Variants in UTP4 observed in about 807,000 individuals in gnomAD.
The protein encoded by UTP4 is UTP4 small subunit processome component, also known as U3 small nucleolar RNA-associated protein 4 homolog.
A neutral mutation model predicts 82.4 loss-of-function variants in UTP4; 45 were observed. That is an observed-to-expected ratio of 0.55 (90% confidence interval 0.43 to 0.70). The LOEUF is 0.70. UTP4 is among the 30% of genes least tolerant of loss of function. The pLI is 0.00. For synonymous variants in UTP4, 348 were observed against 300.3 expected, an observed-to-expected ratio of 1.16 and a Z score of -1.64; for missense variants, 819 against 858.3, an observed-to-expected ratio of 0.95 and a Z score of 0.57.
At chr16:69,138,029 C>A in intron 4 of UTP4, 144 bp downstream of exon 4, 1 of 673,308 alleles carries the variant, frequency 1.5e-6, no homozygotes, top group South Asian at 1.7e-5. Context: ...AGAAGCCATC[C>A]CCAGCCCAGG....
chr16:69,167,606 T>C (rs1181076233), intron 16 of UTP4: 3 of 175,444 alleles, frequency 1.7e-5, no homozygotes, highest in African/African-American at 7.3e-5. Flanking sequence ...AAAACCAGCC[T>C]GGGCACCATG....
intron 6 of UTP4, among the ~76,000 whole-genome samples, chr16:69,147,503 T>C (rs1261187898): frequency 1.3e-5 from 2 of 151,882 alleles, no homozygotes; most frequent in African/African-American, 4.9e-5. Flanking sequence ...AGACTCTGTC[T>C]CCAAACAAAC....
chr16:69,137,393 A>G (rs1962838295), intron 3 of UTP4, among the ~76,000 whole-genome samples: 1 of 152,176 alleles, frequency 6.6e-6, no homozygotes, highest in South Asian at 2.1e-4. Context: ...TAATTCTGTG[A>G]TGAGTCTGAT....
intron 8 of UTP4, 151 bp from the exon 9 acceptor site, chr16:69,153,433 A>C: frequency 1.5e-6 from 1 of 685,990 alleles, no homozygotes; most frequent in Non-Finnish European, 2.7e-6. Context: ...ATCTCAGGGC[A>C]GTGCCTGGCA....
intron 8 of UTP4, 150 bp from the exon 9 acceptor site, chr16:69,153,434 G>C (rs956369517): frequency 2.9e-6 from 2 of 688,760 alleles, no homozygotes; most frequent in East Asian, 2.7e-5. Context: ...TCTCAGGGCA[G>C]TGCCTGGCAT....
At chr16:69,154,290 A>T in intron 9 of UTP4, 103 bp from the exon 10 acceptor site, 1 of 895,012 alleles carries the variant, frequency 1.1e-6, no homozygotes, top group Non-Finnish European at 1.8e-6. Context: ...CTGATTTCCC[A>T]CTGATAGAGA....
chr16:69,143,064 C>A, intron 5 of UTP4, 114 bp from the exon 6 acceptor site: 1 of 1,070,694 alleles, frequency 9.3e-7, no homozygotes, highest in Non-Finnish European at 1.5e-6. Context: ...CACTTCGTTG[C>A]CTAGGCTGGC....
At position 69,137,805 on chromosome 16, in the gene UTP4, G is replaced by A; in HGVS notation, c.356G>A (p.Gly119Asp). The change falls in exon 4 of 17, where the codon GGT becomes GAT. Residue 119 changes from glycine to aspartate, a missense_variant. Coordinates refer to ENST00000314423, the MANE Select transcript of UTP4 (RefSeq NM_032830.3). ...TACTACCTCTTTCTCAAATAGGTTG[G>A]TTGTGAAGATGGATCTGTGAAACTA... The part of the protein sequence containing the change: ...ASPSGSQLLV[G>D]CEDGSVKLFQ... 6.2e-7 allele frequency: 1 copy of A among 1,604,142 alleles called. No homozygotes were observed. Among genetic ancestry groups the A allele is most frequent in the Non-Finnish European group, 8.5e-7 (1 of 1,171,006 alleles).
chr16:69,164,591 T>G (rs891430009), intron 14 of UTP4, among the ~76,000 whole-genome samples: 53 of 73,080 alleles, frequency 7.3e-4, no homozygotes, highest in African/African-American at 2.6e-3. Context: ...ATTCTTTATA[T>G]ATATATATAT....
At chr16:69,132,829 A>C (rs1962664053) in intron 1 of UTP4, 140 bp downstream of exon 1, 3 of 206,174 alleles carry the variant, frequency 1.5e-5, no homozygotes, top group Non-Finnish European at 2.0e-5. Flanking sequence ...GCTACTCTGT[A>C]GACTCGGGGA....
intron 12 of UTP4, 120 bp from the exon 13 acceptor site, chr16:69,160,236 A>T (rs911664831): frequency 1.6e-5 from 13 of 816,556 alleles, no homozygotes; most frequent in Non-Finnish European, 2.6e-5. Context: ...GTGATCAGCA[A>T]ATTATCCTGG....
At chr16:69,142,079 G>A (rs186447160) in intron 5 of UTP4, 1 of 147,232 alleles carries the variant, frequency 6.8e-6, no homozygotes, top group East Asian at 2.0e-4. Flanking sequence ...TCATTTATTT[G>A]TTTCTGTTAG....
In UTP4 at chr16:69,167,173, T is replaced by G; in HGVS notation, c.1932T>G (p.Ser644=). The stretch of plus-strand genomic sequence containing the variant: ...GCACAGCTCATGCTTTTAAAATTTC[T>G]AAGATATATAAGGTAAAACATCTTG... ...RRRTAHAFKI[S]KIYKPLLFMD... Residue 644 remains serine, a synonymous_variant, in exon 16 of 17, where the codon TCT becomes TCG. Coordinates refer to ENST00000314423, the MANE Select transcript of UTP4 (RefSeq NM_032830.3). 6.3e-7 allele frequency: 1 copy of G among 1,597,846 alleles called. No homozygotes were observed. The highest frequency in any genetic ancestry group is 1.1e-5 in the South Asian group (1 of 90,770).
At position 69,147,101 on chromosome 16, in the gene UTP4, C is replaced by CG. The variant is rs1370007500; in HGVS notation, c.739-3433dup. 8.8e-5 allele frequency among the ~76,000 whole-genome samples: 13 copies of CG among 147,460 alleles called. No individual in the cohort carries two copies. In the South Asian group the frequency reaches 2.8e-3, roughly 31 times the overall value. On this transcript the variant is annotated intron_variant, in intron 6 of 16. Coordinates refer to ENST00000314423, the MANE Select transcript of UTP4 (RefSeq NM_032830.3). ...CTGAGGCGGGAGAATTGCTTGAACC[C>CG]GGGAGATAGACGTTGCAGTGAGCTG...
At chr16:69,168,098 T>TA (rs781001393) in intron 16 of UTP4, among the ~76,000 whole-genome samples, 80 of 152,258 alleles carry the variant, frequency 5.3e-4, no homozygotes, top group Non-Finnish European at 6.5e-4. Context: ...CAGAGAAATG[T>TA]AAAAAAATCC....
intron 12 of UTP4, among the ~76,000 whole-genome samples, chr16:69,158,214 G>C (rs1490502386): frequency 8.9e-6 from 1 of 112,306 alleles, no homozygotes; most frequent in Non-Finnish European, 1.7e-5. Flanking sequence ...CTCTGTTGCC[G>C]AGGCTGGAGT....
chr16:69,154,490 AGCCTGAATTCTAGG>A, intron 10 of UTP4, 33 bp downstream of exon 10: 6 of 1,476,556 alleles, frequency 4.1e-6, no homozygotes, highest in African/African-American at 1.4e-5. Context: ...TGAATTCTAG[AGCCTGAATTCTAGG>A]CTCATAATTC....
chr16:69,148,643 T>C (rs1963183810), intron 6 of UTP4, among the ~76,000 whole-genome samples: 1 of 151,634 alleles, frequency 6.6e-6, no homozygotes, highest in Non-Finnish European at 1.5e-5. Flanking sequence ...GACACGGTCT[T>C]GCTCTGTCAC....
intron 8 of UTP4, among the ~76,000 whole-genome samples, chr16:69,152,662 A>G (rs1473843834): frequency 6.6e-6 from 1 of 151,702 alleles, no homozygotes; most frequent in Non-Finnish European, 1.5e-5. Flanking sequence ...TAGTAGAGAC[A>G]GGGTTTCACC....
Sources: allele counts gnomAD v4.1 joint callset (sites outside exome capture counted in the v4.1 genomes callset), GRCh38; gene constraint gnomAD v4.1.1; transcripts MANE v1.5; gene names NCBI Gene and HGNC (gene_info 2026-07-23, HGNC 2026-07-21).